The following DLG2 variants were observed in gnomAD, a reference collection of about 807,000 sequenced individuals.
DLG2 encodes disks large homolog 2.
A neutral mutation model predicts 132.5 loss-of-function variants in DLG2; 45 were observed. The observed-to-expected ratio is 0.34, with a 90% confidence interval of 0.27 to 0.44. DLG2 has a LOEUF of 0.44. DLG2 is among the 20% of genes least tolerant of loss of function. The pLI is 1.00. For missense variants in DLG2, 1,045 were observed against 1,196.9 expected, an observed-to-expected ratio of 0.87 and a Z score of 1.87; for synonymous variants, 424 against 419.6, an observed-to-expected ratio of 1.01 and a Z score of -0.13.
chr11:85,400,675 C>T (rs530449186), intron 3 of DLG2, among the ~76,000 whole-genome samples: 5,673 of 146,940 alleles, frequency 0.039, 355 homozygotes, highest in African/African-American at 0.14. Flanking sequence ...AGTAAACTAT[C>T]GCAAGGACAA....
chr11:84,438,555 A>T (rs1161863044), intron 7 of DLG2, among the ~76,000 whole-genome samples: 1 of 152,176 alleles, frequency 6.6e-6, no homozygotes, highest in Non-Finnish European at 1.5e-5. Flanking sequence ...ACCTTTGGGG[A>T]GGTAGATTTA....
chr11:85,603,527 CTCTT>C (rs1191195985), intron 2 of DLG2, among the ~76,000 whole-genome samples: 1 of 151,606 alleles, frequency 6.6e-6, no homozygotes, highest in Non-Finnish European at 1.5e-5. Context: ...TCTTTTCTCT[CTCTT>C]TTTTTTTTTA....
Position 85,525,607 on chromosome 11 carries a change from A to G in DLG2, c.40+73050T>C, listed in dbSNP as rs545424470. 3.3e-5 allele frequency among the ~76,000 whole-genome samples: 5 copies of G among 152,366 alleles called. No individual in the cohort carries two copies. In the South Asian group the frequency reaches 1.0e-3, roughly 32 times the overall value. ...GATACAAAATTTACTATCTAAACTG[A>G]AACAAGTAAAAATATGAGCAAAATA... is the stretch of plus-strand genomic sequence containing the variant. On this transcript the variant is annotated intron_variant, in intron 3 of 27. Coordinates refer to ENST00000376104, the MANE Select transcript of DLG2 (RefSeq NM_001142699.3).
At chr11:85,009,710 A>C (rs2058989839) in intron 6 of DLG2, among the ~76,000 whole-genome samples, 1 of 152,136 alleles carries the variant, frequency 6.6e-6, no homozygotes, top group Admixed American at 6.5e-5. Context: ...AACGCCAAGA[A>C]GCTTATTTTA....
At chr11:85,276,421 C>G (rs557552231) in intron 4 of DLG2, among the ~76,000 whole-genome samples, 1 of 152,214 alleles carries the variant, frequency 6.6e-6, no homozygotes, top group South Asian at 2.1e-4. Context: ...ATAGTCATTG[C>G]AACCTAACCA....
Position 85,348,381 on chromosome 11 carries a change from C to A in DLG2, c.41-63016G>T, listed in dbSNP as rs532312261. On this transcript the variant is annotated intron_variant, in intron 3 of 27. Transcript: ENST00000376104. ...GGGACTACAGGCCCGCACCACCAAG[C>A]CCAGCTAATTTTTGTACTTTCTTAG... Among the ~76,000 whole-genome samples the A allele has an allele frequency of 8.5e-4, 129 of 151,856 alleles. 1 individual carries two copies. Among genetic ancestry groups the A allele is most frequent in the African/African-American group, 3.0e-3 (123 of 41,328 alleles).
intron 24 of DLG2, among the ~76,000 whole-genome samples, chr11:83,469,627 CAT>C (rs1170761525): frequency 6.6e-6 from 1 of 152,064 alleles, no homozygotes; most frequent in African/African-American, 2.4e-5. Flanking sequence ...AAAAGAGAAA[CAT>C]ATGAGAGAGC....
At chr11:84,485,132 A>G (rs539223009) in intron 7 of DLG2, among the ~76,000 whole-genome samples, 134 of 152,264 alleles carry the variant, frequency 8.8e-4, no homozygotes, top group Non-Finnish European at 1.7e-3. Context: ...AGAGGTCTTT[A>G]CACAGTAAAG....
At chr11:84,125,402 T>A (rs1437529574) in intron 9 of DLG2, among the ~76,000 whole-genome samples, 1 of 152,146 alleles carries the variant, frequency 6.6e-6, no homozygotes, top group Non-Finnish European at 1.5e-5. Flanking sequence ...CAGGTGAGAA[T>A]CAGTGGGCCT....
chr11:84,299,922 GA>G (rs943634630), intron 7 of DLG2, among the ~76,000 whole-genome samples: 8 of 152,230 alleles, frequency 5.3e-5, no homozygotes, highest in Middle Eastern at 6.8e-3. Flanking sequence ...TTGATGAGAA[GA>G]GTCAAGAGAG....
intron 3 of DLG2, among the ~76,000 whole-genome samples, chr11:85,554,017 T>C (rs2076806166): frequency 1.3e-5 from 2 of 151,410 alleles, no homozygotes; most frequent in South Asian, 4.2e-4. Flanking sequence ...TTAACAGTTA[T>C]AGCCAAAAAC....
At chr11:85,061,917 A>C (rs779990175) in intron 6 of DLG2, among the ~76,000 whole-genome samples, 2 of 151,842 alleles carry the variant, frequency 1.3e-5, no homozygotes, top group Non-Finnish European at 2.9e-5. Flanking sequence ...TTCTTCAGTC[A>C]CTTTACTCCT....
intron 3 of DLG2, among the ~76,000 whole-genome samples, chr11:85,468,127 G>A (rs906833590): frequency 1.3e-5 from 2 of 151,968 alleles, no homozygotes; most frequent in African/African-American, 2.4e-5. Flanking sequence ...TCTGATTGTA[G>A]TTTGTATTTC....
intron 16 of DLG2, among the ~76,000 whole-genome samples, chr11:83,865,442 T>C (rs1400346155): frequency 6.8e-6 from 1 of 146,854 alleles, no homozygotes; most frequent in East Asian, 2.0e-4. Context: ...GCCTGGTATC[T>C]TCATGGTGAA....
chr11:85,525,656 A>G (rs1598272069), intron 3 of DLG2, among the ~76,000 whole-genome samples: 1 of 152,236 alleles, frequency 6.6e-6, no homozygotes, highest in East Asian at 1.9e-4. Flanking sequence ...TTTTCAAGGC[A>G]TTGGAAAAAG....
chr11:84,378,327 G>GC (rs2098737150), intron 7 of DLG2, among the ~76,000 whole-genome samples: 1 of 152,108 alleles, frequency 6.6e-6, no homozygotes, highest in Non-Finnish European at 1.5e-5. Context: ...TGAGAAGGCA[G>GC]CCATATACAA....
chr11:85,611,858 A>G (rs552293150), intron 2 of DLG2, among the ~76,000 whole-genome samples: 4 of 152,306 alleles, frequency 2.6e-5, no homozygotes, highest in African/African-American at 9.6e-5. Context: ...GAAGCCATCA[A>G]AAAGGGGAAG....
chr11:83,787,364 C>T (rs1439142176), intron 17 of DLG2, among the ~76,000 whole-genome samples: 1 of 129,888 alleles, frequency 7.7e-6, no homozygotes, highest in African/African-American at 2.9e-5. Context: ...CTCTTTCGCC[C>T]AGGCTGGAGT....
intron 7 of DLG2, among the ~76,000 whole-genome samples, chr11:84,391,103 T>C (rs1221642085): frequency 1.3e-5 from 2 of 152,200 alleles, no homozygotes; most frequent in Non-Finnish European, 2.9e-5. Context: ...ATTCAGTGAA[T>C]GTTAATGTCA....
Sources: gnomAD v4.1 joint callset for allele counts (sites outside exome capture counted in the v4.1 genomes callset) on GRCh38, gnomAD v4.1.1 for gene constraint, MANE v1.5 for transcripts, NCBI Gene and HGNC (gene_info 2026-07-23, HGNC 2026-07-21) for gene names.